Variants in BRAF observed in about 807,000 individuals in gnomAD.
BRAF encodes serine/threonine-protein kinase B-raf.
In BRAF, 16 loss-of-function variants were observed where a neutral mutation model predicts 104.6. The ratio of observed to expected loss-of-function variants is 0.15; its 90% CI spans 0.10 to 0.23. The LOEUF (loss-of-function observed/expected upper bound fraction) is 0.23, where lower values mean the gene tolerates loss of function less well. BRAF is among the 10% of genes least tolerant of loss of function. The pLI is 1.00. For missense variants in BRAF, 541 were observed against 937.3 expected (o/e 0.58, Z 5.52); for synonymous variants, 310 against 341.6 (o/e 0.91, Z 1.02).
intron 3 of BRAF, among the ~76,000 whole-genome samples, chr7:140,814,848 T>C (rs1177613334): frequency 7.1e-6 from 1 of 140,724 alleles, no homozygotes; most frequent in East Asian, 2.0e-4. Flanking sequence ...TATAAAAGTT[T>C]CCATAGTAAA....
intron 9 of BRAF, among the ~76,000 whole-genome samples, chr7:140,786,335 T>C (rs1353914760): frequency 6.6e-6 from 1 of 152,172 alleles, no homozygotes; most frequent in African/African-American, 2.4e-5. Flanking sequence ...TAAAATATTG[T>C]TGAGTCTGGG....
intron 14 of BRAF, among the ~76,000 whole-genome samples, chr7:140,766,483 A>C (rs1455419890): frequency 6.6e-6 from 1 of 150,978 alleles, no homozygotes; most frequent in Non-Finnish European, 1.5e-5. Flanking sequence ...ATAAACATAC[A>C]GAAAAATGGA....
chr7:140,789,894 C>G (rs955450446), intron 8 of BRAF, among the ~76,000 whole-genome samples: 1 of 152,178 alleles, frequency 6.6e-6, no homozygotes, highest in Non-Finnish European at 1.5e-5. Flanking sequence ...CCATGCCCGG[C>G]TAATTTTTTA....
At chr7:140,875,199 C>G (rs1001670959) in intron 1 of BRAF, among the ~76,000 whole-genome samples, 10 of 152,100 alleles carry the variant, frequency 6.6e-5, no homozygotes, top group African/African-American at 2.4e-4. Flanking sequence ...CAGTGAACTT[C>G]TAAAAGCAAA....
chr7:140,846,813 T>C (rs529393214), intron 2 of BRAF, among the ~76,000 whole-genome samples: 1 of 152,130 alleles, frequency 6.6e-6, no homozygotes, highest in Non-Finnish European at 1.5e-5. Flanking sequence ...TAAATATCAG[T>C]ATGTACAGGT....
chr7:140,849,230 C>G (rs546818194), intron 2 of BRAF, among the ~76,000 whole-genome samples: 4 of 152,200 alleles, frequency 2.6e-5, no homozygotes, highest in African/African-American at 9.6e-5. Flanking sequence ...CTTAAGAAAA[C>G]TAATGCTAAG....
At chr7:140,814,730 TAACATAATTTATATAC>T (rs1464189933) in intron 3 of BRAF, among the ~76,000 whole-genome samples, 1 of 144,628 alleles carries the variant, frequency 6.9e-6, no homozygotes, top group Non-Finnish European at 1.5e-5. Flanking sequence ...AATTTATATA[TAACATAATTTATATAC>T]AATATATAAC....
At chr7:140,836,184 T>C (rs1322431581) in intron 2 of BRAF, 2 of 152,202 alleles carry the variant, frequency 1.3e-5, no homozygotes, top group African/African-American at 4.8e-5. Flanking sequence ...TGTCATACAA[T>C]ACCTGGGACA....
rs1563222628 is a variant in BRAF, at chr7:140,724,124, C to G, written c.*2370G>C. ...TGAGATACCAGCCTATTCTAAAATG[C>G]AAGGGAAGAAAAAGTGTATCACCCT... On this transcript the variant is annotated 3_prime_UTR_variant, in exon 20 of 20. Transcript: ENST00000644969. 3 of 1,052,406 alleles carry G rather than the reference C, an allele frequency of 2.9e-6. No individual in the cohort carries two copies. Among genetic ancestry groups the G allele is most frequent in the Non-Finnish European group, 3.4e-6 (3 of 871,322 alleles). 65.2% of individuals were successfully genotyped at this position (1,052,406 alleles called of 1,614,324 possible). A position where few individuals can be genotyped will look rare whatever the true frequency, so the allele number is the denominator to read the frequency against.
chr7:140,910,442 A>G (rs1816840444), intron 1 of BRAF, among the ~76,000 whole-genome samples: 1 of 152,172 alleles, frequency 6.6e-6, no homozygotes. Context: ...TGTCTCTTCA[A>G]TTAACAGTGT....
chr7:140,763,156 G>C (rs1798926885), intron 14 of BRAF, among the ~76,000 whole-genome samples: 1 of 152,170 alleles, frequency 6.6e-6, no homozygotes, highest in South Asian at 2.1e-4. Context: ...GCCGGGCAGA[G>C]GGGCTCCTCA....
At position 140,800,623 on chromosome 7, in the gene BRAF, T is replaced by C. The variant is rs1802997262; in HGVS notation, c.861-142A>G. On this transcript the variant is annotated intron_variant, in intron 6 of 19. Coordinates refer to ENST00000644969, the MANE Select transcript of BRAF (RefSeq NM_001374258.1). Reference sequence around the variant, plus strand: ...AAATTCAATTAGTTGTATTTTTGTCTAAAGGCTTATTTTAAAAAAAATTGT... The same window carrying C: ...AAATTCAATTAGTTGTATTTTTGTCCAAAGGCTTATTTTAAAAAAAATTGT... 3 of 1,365,472 alleles carry C rather than the reference T, an allele frequency of 2.2e-6. No individual in the cohort carries two copies. In the South Asian group the frequency reaches 3.8e-5, roughly 17 times the overall value. 84.6% of individuals were successfully genotyped at this position (1,365,472 alleles called of 1,614,324 possible).
chr7:140,794,379 A>G lies in BRAF; in HGVS notation c.1069T>C (p.Phe357Leu). 1 of 1,614,088 alleles carries G rather than the reference A, an allele frequency of 6.2e-7. No homozygotes were observed. The highest frequency in any genetic ancestry group is 8.5e-7 in the Non-Finnish European group (1 of 1,180,008). Residue 357 changes from phenylalanine (F) to leucine (L), a missense_variant, in exon 8 of 20, where the codon TTT (phenylalanine) becomes CTT (leucine). By Grantham distance (22) the Phe-to-Leu change is conservative. Transcript: ENST00000644969. Reference sequence around the variant, plus strand: ...GATGAGGATCGGTCTCGTTGCCCAAATTGATTTCGATGATCTTCATCTGCT... The same window carrying G: ...GATGAGGATCGGTCTCGTTGCCCAAGTTGATTTCGATGATCTTCATCTGCT... ...RPADEDHRNQ[F>L]GQRDRSSSAP...
chr7:140,875,461 C>T (rs766694632), intron 1 of BRAF, among the ~76,000 whole-genome samples: 127 of 152,326 alleles, frequency 8.3e-4, no homozygotes, highest in Middle Eastern at 3.4e-3. Context: ...ATGCAACCTC[C>T]GCCTCCCGGG....
chr7:140,737,940 T>C (rs1345930404), intron 18 of BRAF, among the ~76,000 whole-genome samples: 1 of 152,194 alleles, frequency 6.6e-6, no homozygotes, highest in African/African-American at 2.4e-5. Context: ...TTTGCCCCTT[T>C]TAATATCATT....
At chr7:140,921,333 T>G (rs745372774) in intron 1 of BRAF, among the ~76,000 whole-genome samples, 1 of 152,196 alleles carries the variant, frequency 6.6e-6, no homozygotes, top group Non-Finnish European at 1.5e-5. Context: ...TACATTCATT[T>G]GATAAATATT....
intron 7 of BRAF, 98 bp from the exon 8 acceptor site, chr7:140,794,565 T>C: frequency 1.4e-6 from 2 of 1,391,072 alleles, no homozygotes; most frequent in Non-Finnish European, 2.0e-6. Context: ...TGTTTTTATA[T>C]TCTCAAAATC....
intron 14 of BRAF, among the ~76,000 whole-genome samples, chr7:140,766,741 G>T (rs1028309685): frequency 6.6e-6 from 1 of 152,014 alleles, no homozygotes; most frequent in Non-Finnish European, 1.5e-5. Context: ...TGTAGAGACG[G>T]GTTTTGCCAT....
At chr7:140,884,429 A>ATGTGTGTGTGTGTGTGTGTGTG (rs71170770) in intron 1 of BRAF, among the ~76,000 whole-genome samples, 21 of 127,528 alleles carry the variant, frequency 1.6e-4, no homozygotes, top group East Asian at 4.4e-4. Flanking sequence ...TATATAAGAT[A>ATGTGTGTGTGTGTGTGTGTGTG]TGTGTGTGTG....
Sources: allele counts gnomAD v4.1 joint callset (sites outside exome capture counted in the v4.1 genomes callset), GRCh38; gene constraint gnomAD v4.1.1; transcripts MANE v1.5; gene names NCBI Gene and HGNC (gene_info 2026-07-23, HGNC 2026-07-21).